Variants in KATNIP observed in about 807,000 individuals in gnomAD.
KATNIP encodes the protein katanin interacting protein, also known as katanin-interacting protein.
KATNIP carries 126 observed loss-of-function variants against 174.0 expected under a neutral mutation model. The observed-to-expected ratio is 0.72, with a 90% CI of 0.63 to 0.84. The LOEUF is 0.84. Ranked by LOEUF, KATNIP falls within the 40% of genes least tolerant of loss-of-function variation. The pLI is 0.00. For missense variants in KATNIP, 1,958 were observed against 2,109.7 expected (o/e 0.93, Z 1.41); for synonymous variants, 810 against 835.7 (o/e 0.97, Z 0.53).
At chr16:27,552,150 G>C (rs2089405943) in intron 1 of KATNIP, among the ~76,000 whole-genome samples, 1 of 151,966 alleles carries the variant, frequency 6.6e-6, no homozygotes, top group African/African-American at 2.4e-5. Context: ...ATTATTTTAT[G>C]TTTTTTCAAG....
rs1213450762 is a variant in KATNIP at position 27,740,421 on chromosome 16, G to A, written c.2124G>A (p.Met708Ile). 1 of 1,614,046 alleles carries A rather than the reference G, an allele frequency of 6.2e-7. No homozygotes were observed. Among genetic ancestry groups the A allele is most frequent in the Admixed American group, 1.7e-5 (1 of 60,032 alleles). ...GACTGTCGGCAGTCCCCACTTCGAT[G>A]GGTGACATGCCCAGTGCTCCTGCCA... The part of the protein sequence containing the change: ...YLRLSAVPTS[M>I]GDMPSAPATS... The change falls in exon 15 of 28, where the codon ATG (methionine) becomes ATA (isoleucine). Residue 708 changes from methionine to isoleucine, a missense_variant. This residue lies in a region of KATNIP where 1,557 missense variants were observed against 1,617.8 expected (regional missense o/e 0.96). Transcript: ENST00000261588.
chr16:27,677,307 A>G (rs1467961108), intron 6 of KATNIP, among the ~76,000 whole-genome samples: 2 of 152,174 alleles, frequency 1.3e-5, no homozygotes, highest in African/African-American at 4.8e-5. Context: ...TCCCTGGACC[A>G]GCAGTGTCAG....
chr16:27,601,442 A>C (rs2075520992), intron 2 of KATNIP, among the ~76,000 whole-genome samples: 1 of 152,114 alleles, frequency 6.6e-6, no homozygotes, highest in Non-Finnish European at 1.5e-5. Flanking sequence ...CAGGGGGAAC[A>C]ACAGAGGCAA....
intron 14 of KATNIP, among the ~76,000 whole-genome samples, chr16:27,731,523 G>A (rs963205042): frequency 6.6e-6 from 1 of 152,188 alleles, no homozygotes; most frequent in African/African-American, 2.4e-5. Flanking sequence ...TTTTACAGAT[G>A]GGGAAACTGA....
intron 6 of KATNIP, among the ~76,000 whole-genome samples, chr16:27,664,123 T>C (rs2077611612): frequency 6.6e-6 from 1 of 152,206 alleles, no homozygotes; most frequent in Non-Finnish European, 1.5e-5. Context: ...CTCTTCTTTA[T>C]GTAGGAGAGT....
intron 2 of KATNIP, among the ~76,000 whole-genome samples, chr16:27,598,875 A>G (rs535114115): frequency 6.6e-6 from 1 of 152,300 alleles, no homozygotes; most frequent in South Asian, 2.1e-4. Context: ...TGGGGAGCCC[A>G]CAGATCCTGG....
Position 27,698,312 on chromosome 16 carries a change from T to A in KATNIP, c.941-16T>A, listed in dbSNP as rs1459831927. 2 of 1,597,058 alleles carry A rather than the reference T, an allele frequency of 1.3e-6. No individual in the cohort carries two copies. Among genetic ancestry groups the A allele is most frequent in the Non-Finnish European group, 8.6e-7 (1 of 1,169,224 alleles). On this transcript the variant is annotated splice_polypyrimidine_tract_variant and intron_variant, in intron 8 of 27. Transcript: ENST00000261588. ...AATATAATCTAAAAGAACGTCCCCC[T>A]GTCTTCTGCCCTCAGGACCTGGAAG...
chr16:27,778,094 G>A (rs1397258832), intron 27 of KATNIP, 125 bp downstream of exon 27: 1 of 800,052 alleles, frequency 1.2e-6, no homozygotes, highest in Non-Finnish European at 2.0e-6. Context: ...CCTCTGCCCA[G>A]GAGCCTGCCC....
At chr16:27,644,590 C>T (rs780470017) in intron 5 of KATNIP, 3 of 152,240 alleles carry the variant, frequency 2.0e-5, no homozygotes, top group East Asian at 1.9e-4. Flanking sequence ...ACTGCAGCCT[C>T]GAACTCCTAG....
At chr16:27,629,165 CAAAA>C (rs1169255800) in intron 4 of KATNIP, among the ~76,000 whole-genome samples, 2 of 64,000 alleles carry the variant, frequency 3.1e-5, no homozygotes, top group South Asian at 5.4e-4. Flanking sequence ...GAGACTCTGT[CAAAA>C]AAAAAAAAAA....
chr16:27,671,103 G>T (rs2077884449), intron 6 of KATNIP, among the ~76,000 whole-genome samples: 1 of 152,092 alleles, frequency 6.6e-6, no homozygotes, highest in Non-Finnish European at 1.5e-5. Flanking sequence ...TGAGGCAGGA[G>T]AATCGCTTGA....
chr16:27,778,487 G>C, intron 27 of KATNIP, 87 bp from the exon 28 acceptor site: 1 of 1,378,614 alleles, frequency 7.3e-7, no homozygotes, highest in South Asian at 1.2e-5. Flanking sequence ...GGCAACCCAG[G>C]CTGCTGGATT....
intron 2 of KATNIP, among the ~76,000 whole-genome samples, chr16:27,582,919 G>A (rs930346033): frequency 2.6e-5 from 4 of 152,182 alleles, no homozygotes; most frequent in Non-Finnish European, 5.9e-5. Context: ...GTCTTGCTGA[G>A]AAAGAGAAGG....
At chr16:27,563,891 T>TA (rs58505514) in intron 1 of KATNIP, among the ~76,000 whole-genome samples, 53,804 of 66,692 alleles carry the variant, frequency 0.81, 22,670 homozygotes, top group East Asian at 0.86. Context: ...TCTAGTAAAT[T>TA]AAAAAAAAAA....
chr16:27,695,946 C>G (rs546696334), intron 8 of KATNIP, among the ~76,000 whole-genome samples: 5 of 152,282 alleles, frequency 3.3e-5, no homozygotes, highest in Admixed American at 3.3e-4. Context: ...TTTTAGGAAG[C>G]AAATGGAAGC....
chr16:27,599,812 T>G (rs1441422101), intron 2 of KATNIP, among the ~76,000 whole-genome samples: 1 of 152,128 alleles, frequency 6.6e-6, no homozygotes, highest in Non-Finnish European at 1.5e-5. Flanking sequence ...GGGCACGCGG[T>G]GTTTGTGGTC....
intron 15 of KATNIP, among the ~76,000 whole-genome samples, chr16:27,746,009 G>C (rs1178742303): frequency 7.5e-6 from 1 of 133,620 alleles, no homozygotes; most frequent in East Asian, 2.2e-4. Context: ...ATGTCACCCA[G>C]GCTGGAGTGC....
At chr16:27,641,687 C>G (rs996838080) in intron 5 of KATNIP, among the ~76,000 whole-genome samples, 1 of 152,210 alleles carries the variant, frequency 6.6e-6, no homozygotes, top group Non-Finnish European at 1.5e-5. Context: ...ATTGAATGTG[C>G]GTGCGTGTAA....
chr16:27,696,392 A>C (rs1287141454), intron 8 of KATNIP, among the ~76,000 whole-genome samples: 2 of 152,142 alleles, frequency 1.3e-5, no homozygotes, highest in Non-Finnish European at 2.9e-5. Context: ...TTTGTTACAT[A>C]GGTCAACTGC....
Sources: gnomAD v4.1 joint callset for allele counts (sites outside exome capture counted in the v4.1 genomes callset) on GRCh38, gnomAD v4.1.1 for gene constraint, gnomAD v4.1.1 regional missense constraint, MANE v1.5 for transcripts, NCBI Gene and HGNC (gene_info 2026-07-23, HGNC 2026-07-21) for gene names.